TFB1M: variants seen among roughly 807,000 people sequenced by gnomAD.
TFB1M encodes the protein transcription factor B1, mitochondrial.
In TFB1M, 27 loss-of-function variants were observed where a neutral mutation model predicts 31.1. The ratio of observed to expected loss-of-function variants is 0.87; its 90% confidence interval spans 0.64 to 1.20. TFB1M has a LOEUF of 1.20. Ranked by LOEUF, TFB1M falls within the 50% of genes most tolerant of loss-of-function variation. The pLI is 0.00. For missense variants in TFB1M, 394 were observed against 418.7 expected, an observed-to-expected ratio of 0.94 and a Z score of 0.51; for synonymous variants, 166 against 151.8, an observed-to-expected ratio of 1.09 and a Z score of -0.69.
chr6:155,240,834 C>T, the TFB1M span: 2 of 966,376 alleles, frequency 2.1e-6, no homozygotes, highest in Non-Finnish European at 3.0e-6. Context: ...GACACCTGCT[C>T]CTTGAATCAG....
At chr6:155,269,208 G>A (rs988982419) in intron 5 of TFB1M, among the ~76,000 whole-genome samples, 7 of 151,692 alleles carry the variant, frequency 4.6e-5, no homozygotes, top group African/African-American at 7.3e-5. Flanking sequence ...TATGTAGTAT[G>A]TCAGGGTTTC....
chr6:155,249,879 G>A, the TFB1M span: 13 of 1,613,748 alleles, frequency 8.1e-6, no homozygotes, highest in Admixed American at 1.0e-4. Context: ...AGAAAGTAGC[G>A]AGCCACATCA....
chr6:155,268,752 A>G (rs557150067), intron 5 of TFB1M, among the ~76,000 whole-genome samples: 1 of 151,430 alleles, frequency 6.6e-6, no homozygotes, highest in East Asian at 1.9e-4. Context: ...TGAAGGCAGC[A>G]TGCTTGCTAA....
Position 155,257,923 on chromosome 6 carries a change from A to C in TFB1M, c.954T>G (p.Phe318Leu). Reference protein sequence around the residue: ...RKMCDEDPQLFAYNFREELKR... With the variant: ...RKMCDEDPQLLAYNFREELKR... ...TGAGTTCTTCTCTGAAATTATATGCAAAGAGTTGTGGGTCTTCATCACACA... is the reference window on the plus strand; with the variant it reads ...TGAGTTCTTCTCTGAAATTATATGCCAAGAGTTGTGGGTCTTCATCACACA... Residue 318 changes from phenylalanine to leucine, a missense_variant, in exon 7 of 7, where the codon TTT becomes TTG. By Grantham distance (22) the Phe-to-Leu change is conservative (BLOSUM62 0). This residue lies in a region of TFB1M where 115 missense variants were observed against 144.1 expected (regional missense o/e 0.80). Coordinates refer to ENST00000367166, the MANE Select transcript of TFB1M (RefSeq NM_016020.4). 6.2e-7 allele frequency: 1 copy of C among 1,614,074 alleles called. No individual in the cohort carries two copies. The highest frequency in any genetic ancestry group is 8.5e-7 in the Non-Finnish European group (1 of 1,179,992).
Position 155,256,280 on chromosome 6 carries a change from C to G in TFB1M, c.*1556G>C. ...CTGGTAATCTAAAAATGCTGAATTG[C>G]CTAACTTACAACTGTAAACCTAAGT... On this transcript the variant is annotated 3_prime_UTR_variant, in exon 7 of 7. Transcript: ENST00000367166. The G allele has an allele frequency of 1.4e-6, 1 of 692,988 alleles. No homozygotes were observed. Among genetic ancestry groups the G allele is most frequent in the Admixed American group, 3.0e-5 (1 of 33,654 alleles). The allele number at this position is 692,988 out of a possible 1,614,324, so 42.9% of individuals were successfully genotyped here.
chr6:155,279,527 AGG>A (rs1345667970), intron 5 of TFB1M, among the ~76,000 whole-genome samples: 4 of 152,196 alleles, frequency 2.6e-5, no homozygotes, highest in Non-Finnish European at 5.9e-5. Context: ...CAGGCCCACT[AGG>A]GTAGTTAGAC....
At chr6:155,242,214 A>G in the TFB1M span, among the ~76,000 whole-genome samples, 4 of 152,242 alleles carry the variant, frequency 2.6e-5, no homozygotes, top group Admixed American at 2.6e-4. Flanking sequence ...AGGCAGCACC[A>G]GCCTGTGAGG....
chr6:155,298,723 A>C lies in TFB1M; in HGVS notation c.286-138T>G. Reference sequence around the variant, plus strand: ...GTGATCATTAATGAACAAATACTGCATCACGTCTATTGCAACAGACAATGG... The same window carrying C: ...GTGATCATTAATGAACAAATACTGCCTCACGTCTATTGCAACAGACAATGG... On this transcript the variant is annotated intron_variant, in intron 2 of 6. Transcript: ENST00000367166. 4 of 661,632 alleles carry C rather than the reference A, an allele frequency of 6.0e-6. No individual in the cohort carries two copies. The Admixed American group carries it at 7.1e-5, about 12-fold the overall frequency. 41.0% of individuals were successfully genotyped at this position (661,632 alleles called of 1,614,324 possible). A position where few individuals can be genotyped will look rare whatever the true frequency, so the allele number is the denominator to read the frequency against.
intron 4 of TFB1M, among the ~76,000 whole-genome samples, chr6:155,296,088 C>T (rs996919699): frequency 6.6e-6 from 1 of 152,148 alleles, no homozygotes; most frequent in African/African-American, 2.4e-5. Context: ...TCAAGCACCA[C>T]CCCTGCTTAC....
At position 155,287,236 on chromosome 6, in the gene TFB1M, A is replaced by G. The variant is rs191251273; in HGVS notation, c.547-1959T>C. On this transcript the variant is annotated intron_variant, in intron 4 of 6. Coordinates refer to ENST00000367166, the MANE Select transcript of TFB1M (RefSeq NM_016020.4). Reference sequence around the variant, plus strand: ...TTTGTAGCATAATTTGGCAATATACAGTAGAGCTGAAGCTGTGTAAAACCT... The same window carrying G: ...TTTGTAGCATAATTTGGCAATATACGGTAGAGCTGAAGCTGTGTAAAACCT... 3.3e-5 allele frequency among the ~76,000 whole-genome samples: 5 copies of G among 152,324 alleles called. No individual in the cohort carries two copies. In the East Asian group the frequency reaches 9.6e-4, roughly 29 times the overall value.
chr6:155,264,263 G>A (rs192967460), intron 5 of TFB1M: 28 of 152,268 alleles, frequency 1.8e-4, no homozygotes, highest in East Asian at 1.7e-3. Context: ...AGGACATCAC[G>A]GGCCTCGAGG....
At chr6:155,314,016 C>T in intron 1 of TFB1M, 3 of 1,098,124 alleles carry the variant, frequency 2.7e-6, no homozygotes, top group South Asian at 1.6e-5. Context: ...GCGCCTTTCA[C>T]GACCCATGAA....
Position 155,305,408 on chromosome 6 carries a change from AT to A in TFB1M, c.285+5779del, listed in dbSNP as rs1278830916. On this transcript the variant is annotated intron_variant, in intron 2 of 6. Transcript: ENST00000367166. Reference sequence around the variant, plus strand: ...ATTGTATATTTATATATATAAATATATTATTAAATTATATATTTATATATAT... The same window carrying A: ...ATTGTATATTTATATATATAAATATATATTAAATTATATATTTATATATAT... Among the ~76,000 whole-genome samples the A allele has an allele frequency of 8.2e-3, 143 of 17,430 alleles. 43 individuals carry two copies. The highest frequency in any genetic ancestry group is 0.2 in the East Asian group (2 of 10). The allele number at this position is 17,430 out of a possible 152,430, so 11.4% of individuals were successfully genotyped here. A position where few individuals can be genotyped will look rare whatever the true frequency, so the allele number is the denominator to read the frequency against.
chr6:155,263,764 C>T (rs1260602823), intron 5 of TFB1M, among the ~76,000 whole-genome samples: 6 of 152,078 alleles, frequency 3.9e-5, no homozygotes, highest in Admixed American at 3.9e-4. Flanking sequence ...AGCTAAGTCA[C>T]GACCACATGC....
the TFB1M span, among the ~76,000 whole-genome samples, chr6:155,236,972 T>C: frequency 6.6e-6 from 1 of 152,210 alleles, no homozygotes; most frequent in South Asian, 2.1e-4. Context: ...CAATCATGCC[T>C]TCCCAACAGT....
At chr6:155,304,159 G>C (rs1386451056) in intron 2 of TFB1M, among the ~76,000 whole-genome samples, 1 of 152,120 alleles carries the variant, frequency 6.6e-6, no homozygotes, top group African/African-American at 2.4e-5. Context: ...GCGGGCGCCT[G>C]TAATTCCAGC....
intron 5 of TFB1M, chr6:155,275,678 A>G: frequency 6.5e-7 from 1 of 1,544,794 alleles, no homozygotes; most frequent in Non-Finnish European, 8.8e-7. Context: ...ATCATTGTTA[A>G]ACATCAGGAT....
intron 5 of TFB1M, among the ~76,000 whole-genome samples, chr6:155,261,479 T>A (rs891562644): frequency 1.3e-5 from 2 of 152,184 alleles, no homozygotes; most frequent in Admixed American, 6.5e-5. Context: ...CTTAAACAGA[T>A]GAAAATGGGA....
chr6:155,312,488 A>G (rs1283717167), intron 1 of TFB1M, among the ~76,000 whole-genome samples: 2 of 152,218 alleles, frequency 1.3e-5, no homozygotes, highest in Non-Finnish European at 2.9e-5. Context: ...CTCAGAGGGA[A>G]CAGGAATGAT....
Sources: gnomAD v4.1 joint callset for allele counts (sites outside exome capture counted in the v4.1 genomes callset) on GRCh38, gnomAD v4.1.1 for gene constraint, gnomAD v4.1.1 regional missense constraint, MANE v1.5 for transcripts, NCBI Gene and HGNC (gene_info 2026-07-23, HGNC 2026-07-21) for gene names.